Variants in SEPHS1 observed in about 807,000 individuals in gnomAD.
SEPHS1 encodes zincore component SEPHS1.
In SEPHS1, 7 loss-of-function variants were observed where a neutral mutation model predicts 39.2. That is an observed-to-expected ratio of 0.18 (90% CI 0.10 to 0.34). The LOEUF is 0.34. Among genes scored for constraint, SEPHS1 ranks in the 10% least tolerant of loss-of-function variants. The pLI, the probability that SEPHS1 is intolerant of heterozygous loss-of-function variation, is 1.00. For missense variants in SEPHS1, 253 were observed against 514.5 expected, an observed-to-expected ratio of 0.49 and a Z score of 4.92; for synonymous variants, 190 against 195.5, an observed-to-expected ratio of 0.97 and a Z score of 0.23.
intron 2 of SEPHS1, among the ~76,000 whole-genome samples, chr10:13,341,757 G>A (rs775472869): frequency 6.7e-6 from 1 of 150,258 alleles, no homozygotes; most frequent in Non-Finnish European, 1.5e-5. Context: ...AGGAGTTCCA[G>A]ACCAGCCTGA....
rs750927787 is a variant in SEPHS1, at chr10:13,345,000, C to A, written c.-50G>T. On this transcript the variant is annotated 5_prime_UTR_variant, in exon 2 of 9. Transcript: ENST00000327347. ...CAGCTCAGCCCCTCCCCTCCCTCTG[C>A]GGGTTGGCTGGGTTCTTTATGGATC... 1.1e-4 allele frequency: 150 copies of A among 1,382,264 alleles called. No individual in the cohort carries two copies. The highest frequency in any genetic ancestry group is 1.4e-4 in the Non-Finnish European group (150 of 1,056,206). 85.6% of individuals were successfully genotyped at this position (1,382,264 alleles called of 1,614,324 possible). A position where few individuals can be genotyped will look rare whatever the true frequency, so the allele number is the denominator to read the frequency against.
In SEPHS1 at chr10:13,332,531, A is replaced by G. The variant is rs138586592; in HGVS notation, c.560+1286T>C. ...TGTTATGTGAAATTTTGTTACGTGAATTATACTTCAACTAAAAAACCTAAA... is the reference window on the plus strand; with the variant it reads ...TGTTATGTGAAATTTTGTTACGTGAGTTATACTTCAACTAAAAAACCTAAA... On this transcript the variant is annotated intron_variant, in intron 5 of 8. Coordinates refer to ENST00000327347, the MANE Select transcript of SEPHS1 (RefSeq NM_012247.5). Among the ~76,000 whole-genome samples, 22 of 152,280 alleles carry G rather than the reference A, an allele frequency of 1.4e-4. No homozygotes were observed. In the East Asian group the frequency reaches 1.5e-3, roughly 11 times the overall value.
intron 5 of SEPHS1, among the ~76,000 whole-genome samples, chr10:13,332,238 A>C (rs1010726734): frequency 6.6e-6 from 1 of 152,262 alleles, no homozygotes; most frequent in African/African-American, 2.4e-5. Context: ...ATGGACCCGG[A>C]AAACATTCCG....
intron 4 of SEPHS1, among the ~76,000 whole-genome samples, chr10:13,335,039 T>C (rs879880280): frequency 3.3e-5 from 5 of 152,206 alleles, no homozygotes; most frequent in Admixed American, 2.6e-4. Context: ...CTACAGCCCA[T>C]GTTCAAGGGC....
At chr10:13,321,719 G>A (rs1454397824) in intron 8 of SEPHS1, among the ~76,000 whole-genome samples, 6 of 152,198 alleles carry the variant, frequency 3.9e-5, no homozygotes, top group African/African-American at 1.4e-4. Context: ...TCAGGAGGAC[G>A]CGCCATCTGG....
At chr10:13,325,895 CAAAAAAAAAAAAAAAAAAAAAAAAAA>C (rs562038894) in intron 7 of SEPHS1, among the ~76,000 whole-genome samples, 2 of 26,448 alleles carry the variant, frequency 7.6e-5, no homozygotes, top group Middle Eastern at 0.05. Flanking sequence ...GACTCCGTCT[CAAAAAAAAAAAAAAAAAAAAAAAAAA>C]AAAAAAAAAA....
chr10:13,337,604 T>C (rs939181568), intron 3 of SEPHS1, among the ~76,000 whole-genome samples: 1 of 152,174 alleles, frequency 6.6e-6, no homozygotes, highest in Non-Finnish European at 1.5e-5. Context: ...ATCAAGCCAG[T>C]CCACAAGGCC....
chr10:13,329,889 C>T, intron 5 of SEPHS1, 101 bp from the exon 6 acceptor site: 3 of 1,026,686 alleles, frequency 2.9e-6, no homozygotes, highest in South Asian at 1.5e-5. Flanking sequence ...AATATATCTG[C>T]CTTTGCATTT....
At chr10:13,333,705 T>TG in intron 5 of SEPHS1, 112 bp downstream of exon 5, 1 of 1,121,034 alleles carries the variant, frequency 8.9e-7, no homozygotes, top group Non-Finnish European at 1.3e-6. Context: ...CCTACCAAAG[T>TG]CTGGGATCAT....
chr10:13,336,147 C>A, intron 4 of SEPHS1, 96 bp downstream of exon 4: 1 of 778,218 alleles, frequency 1.3e-6, no homozygotes. Context: ...ATGGCCTGGG[C>A]TCCTCGCTTT....
chr10:13,344,703 G>GT, intron 2 of SEPHS1, 55 bp downstream of exon 2: 1 of 1,282,966 alleles, frequency 7.8e-7, no homozygotes, highest in Non-Finnish European at 1.0e-6. Flanking sequence ...GAGAAATCCA[G>GT]TTTTTGACTC....
In SEPHS1 at chr10:13,338,805, A is replaced by C; in HGVS notation, c.197T>G (p.Ile66Ser). ...AGGAATGACACAAGTATCCATTCCAATGCCTGTGGAGATGGAAGTCATTAG... is the reference window on the plus strand; with the variant it reads ...AGGAATGACACAAGTATCCATTCCACTGCCTGTGGAGATGGAAGTCATTAG... The part of the protein sequence containing the change: ...FLGAVMPRLG[I>S]GMDTCVIPLR... The change falls in exon 3 of 9, where the codon ATT (isoleucine) becomes AGT (serine). Residue 66 changes from isoleucine (I) to serine (S), a missense_variant. Transcript: ENST00000327347. 1 of 1,610,608 alleles carries C rather than the reference A, an allele frequency of 6.2e-7. No individual in the cohort carries two copies. Among genetic ancestry groups the C allele is most frequent in the Non-Finnish European group, 8.5e-7 (1 of 1,176,700 alleles).
chr10:13,323,059 A>G lies in SEPHS1; in HGVS notation c.752-12T>C, dbSNP rs182895908. On this transcript the variant is annotated splice_polypyrimidine_tract_variant and intron_variant, in intron 7 of 8. Transcript: ENST00000327347. ...CATGAGTCCTGCAGCTGGGAGAGAG[A>G]GGGGGCGGCTCTGAGAAAAAACACC... 2,191 of 1,612,734 alleles carry G rather than the reference A, an allele frequency of 1.4e-3. 23 individuals carry two copies. In the African/African-American group the frequency reaches 0.025, roughly 19 times the overall value.
chr10:13,348,157 C>T lies in SEPHS1; in HGVS notation c.-236G>A, dbSNP rs1196845307. On this transcript the variant is annotated 5_prime_UTR_variant, in exon 1 of 9. Transcript: ENST00000327347. Reference sequence around the variant, plus strand: ...GGGGGCCCGGGCCCGCGCCTGGGCGCCGCGGGGGCTCGCCTGCCTCGGCGC... The same window carrying T: ...GGGGGCCCGGGCCCGCGCCTGGGCGTCGCGGGGGCTCGCCTGCCTCGGCGC... 1 of 144,510 alleles carries T rather than the reference C, an allele frequency of 6.9e-6. No individual in the cohort carries two copies. The highest frequency in any genetic ancestry group is 1.5e-5 in the Non-Finnish European group (1 of 65,162). The allele number at this position is 144,510 out of a possible 1,614,324, so 9.0% of individuals were successfully genotyped here.
Position 13,348,199 on chromosome 10 carries a change from G to A in SEPHS1, c.-278C>T, listed in dbSNP as rs1423585416. ...CCTCGGCGCGGCCCTGCGGGAGCCG[G>A]GCCGCCGCGCTCCCGCCGGCTGGGC... On this transcript the variant is annotated 5_prime_UTR_variant, in exon 1 of 9. Transcript: ENST00000327347. The A allele has an allele frequency of 3.4e-5, 5 of 144,968 alleles. No individual in the cohort carries two copies. The East Asian group carries it at 6.2e-4, about 18-fold the overall frequency. The allele number at this position is 144,968 out of a possible 1,614,324, so 9.0% of individuals were successfully genotyped here. A position where few individuals can be genotyped will look rare whatever the true frequency, so the allele number is the denominator to read the frequency against.
chr10:13,345,019 A>G lies in SEPHS1; in HGVS notation c.-69T>C. 7.5e-7 allele frequency: 1 copy of G among 1,337,436 alleles called. No homozygotes were observed. The highest frequency in any genetic ancestry group is 9.8e-7 in the Non-Finnish European group (1 of 1,018,590). 82.8% of individuals were successfully genotyped at this position (1,337,436 alleles called of 1,614,324 possible). A position where few individuals can be genotyped will look rare whatever the true frequency, so the allele number is the denominator to read the frequency against. ...CCTCTGCGGGTTGGCTGGGTTCTTT[A>G]TGGATCCACCTGGGTGTCACCAAAA... On this transcript the variant is annotated 5_prime_UTR_variant, in exon 2 of 9. Coordinates refer to ENST00000327347, the MANE Select transcript of SEPHS1 (RefSeq NM_012247.5).
Position 13,336,288 on chromosome 10 carries a change from G to T in SEPHS1, c.360C>A (p.Asp120Glu), listed in dbSNP as rs774247442. The T allele has an allele frequency of 6.2e-7, 1 of 1,613,858 alleles. No individual in the cohort carries two copies. The highest frequency in any genetic ancestry group is 8.5e-7 in the Non-Finnish European group (1 of 1,179,934). The change falls in exon 4 of 9, where the codon GAC becomes GAA. Residue 120 changes from aspartate (D) to glutamate (E), a missense_variant. Physicochemically the swap from Asp to Glu is conservative, Grantham distance 45 (BLOSUM62 2). Transcript: ENST00000327347. ...TGACTCCAAGGAGCATCAGCATATT[G>T]TCACATTCCGTGACCCCCATTGCAT... Reference protein sequence around the residue: ...DLYAMGVTECDNMLMLLGVSN... With the variant: ...DLYAMGVTECENMLMLLGVSN...
At chr10:13,338,208 A>C (rs982991728) in intron 3 of SEPHS1, among the ~76,000 whole-genome samples, 1 of 152,208 alleles carries the variant, frequency 6.6e-6, no homozygotes, top group East Asian at 1.9e-4. Context: ...GGCTGGGTTG[A>C]GTGAATTAAC....
At chr10:13,322,061 C>T (rs1331686461) in intron 8 of SEPHS1, 2 of 455,620 alleles carry the variant, frequency 4.4e-6, no homozygotes, top group African/African-American at 2.0e-5. Context: ...TAAATTACTG[C>T]ACATCTAAGA....
Sources: allele counts gnomAD v4.1 joint callset (sites outside exome capture counted in the v4.1 genomes callset), GRCh38; gene constraint gnomAD v4.1.1; transcripts MANE v1.5; gene names NCBI Gene and HGNC (gene_info 2026-07-23, HGNC 2026-07-21).